Variants in GALNT13 observed in about 807,000 individuals in gnomAD.
The protein encoded by GALNT13 is polypeptide N-acetylgalactosaminyltransferase 13.
A neutral mutation model predicts 64.2 loss-of-function variants in GALNT13; 28 were observed. That is an observed-to-expected ratio of 0.44 (90% CI 0.32 to 0.60). The LOEUF (loss-of-function observed/expected upper bound fraction) is 0.60, where lower values mean the gene tolerates loss of function less well. GALNT13 is among the 20% of genes least tolerant of loss of function. The pLI, the probability that GALNT13 is intolerant of heterozygous loss-of-function variation, is 0.05. For missense variants in GALNT13, 577 were observed against 669.8 expected (o/e 0.86, Z 1.53); for synonymous variants, 214 against 224.6 (o/e 0.95, Z 0.42).
At chr2:153,621,465 C>G in the GALNT13 span, among the ~76,000 whole-genome samples, 1 of 152,150 alleles carries the variant, frequency 6.6e-6, no homozygotes, top group Non-Finnish European at 1.5e-5. Context: ...TGCCAATGTT[C>G]ACTCAAGTAA....
chr2:153,175,084 T>G, the GALNT13 span, among the ~76,000 whole-genome samples: 1 of 152,108 alleles, frequency 6.6e-6, no homozygotes, highest in Non-Finnish European at 1.5e-5. Flanking sequence ...ATAAAAACAT[T>G]CCCCTTCTGA....
the GALNT13 span, among the ~76,000 whole-genome samples, chr2:153,275,650 T>C: frequency 2.6e-5 from 4 of 152,334 alleles, no homozygotes; most frequent in Admixed American, 2.0e-4. Flanking sequence ...ATTCAATATA[T>C]ACTGCTACTC....
chr2:154,016,953 A>T (rs556040308), intron 3 of GALNT13, among the ~76,000 whole-genome samples: 1 of 152,306 alleles, frequency 6.6e-6, no homozygotes, highest in South Asian at 2.1e-4. Flanking sequence ...TGAGAAGTTG[A>T]GAATTTTCTG....
chr2:153,691,271 TA>T, the GALNT13 span, among the ~76,000 whole-genome samples: 6 of 152,094 alleles, frequency 3.9e-5, no homozygotes, highest in Admixed American at 3.3e-4. Context: ...CTGACAAAAA[TA>T]TTTTTTGCTG....
chr2:154,025,543 CATGG>C (rs1697892714), intron 3 of GALNT13, among the ~76,000 whole-genome samples: 1 of 61,218 alleles, frequency 1.6e-5, no homozygotes, highest in Non-Finnish European at 3.5e-5. Context: ...GTTTCGAAGG[CATGG>C]TTTTATTCAG....
chr2:154,344,360 C>T (rs1165845845), intron 9 of GALNT13, among the ~76,000 whole-genome samples: 1 of 152,028 alleles, frequency 6.6e-6, no homozygotes, highest in East Asian at 1.9e-4. Context: ...AAATAACATT[C>T]TGACAGTGTT....
intron 3 of GALNT13, among the ~76,000 whole-genome samples, chr2:154,037,232 G>A (rs569980722): frequency 1.3e-5 from 2 of 152,116 alleles, no homozygotes; most frequent in African/African-American, 2.4e-5. Context: ...ACATGAGTGT[G>A]TGTGGTGGTT....
chr2:153,660,245 G>T, the GALNT13 span, among the ~76,000 whole-genome samples: 6 of 152,060 alleles, frequency 3.9e-5, no homozygotes, highest in African/African-American at 1.4e-4. Context: ...AGTGATGAGG[G>T]GTAACCAGAA....
the GALNT13 span, among the ~76,000 whole-genome samples, chr2:153,329,169 T>A: frequency 6.6e-6 from 1 of 151,982 alleles, no homozygotes; most frequent in South Asian, 2.1e-4. Flanking sequence ...ATGAACCGGG[T>A]ACCTCAGCTG....
chr2:153,714,016 G>A, the GALNT13 span, among the ~76,000 whole-genome samples: 1 of 152,108 alleles, frequency 6.6e-6, no homozygotes, highest in Non-Finnish European at 1.5e-5. Context: ...CTAAGTCTTA[G>A]GGAAAGTTCC....
At chr2:154,085,155 T>C (rs1701463528) in intron 3 of GALNT13, among the ~76,000 whole-genome samples, 1 of 151,962 alleles carries the variant, frequency 6.6e-6, no homozygotes, top group African/African-American at 2.4e-5. Flanking sequence ...CAGGATTAAT[T>C]CTCAAAAGAT....
In GALNT13 at chr2:154,106,894, G is replaced by A. The variant is rs1185839313; in HGVS notation, c.143-33443G>A. ...CTCATGTTGAAATTTGATCCCCAGT[G>A]TTTTAGGTGAGGACTAATGGAAGGT... On this transcript the variant is annotated intron_variant, in intron 3 of 12. Coordinates refer to ENST00000392825, the MANE Select transcript of GALNT13 (RefSeq NM_052917.4). Among the ~76,000 whole-genome samples, 4 of 152,238 alleles carry A rather than the reference G, an allele frequency of 2.6e-5. No individual in the cohort carries two copies. In the East Asian group the frequency reaches 7.7e-4, roughly 29 times the overall value.
intron 9 of GALNT13, among the ~76,000 whole-genome samples, chr2:154,362,692 C>G (rs77929208): frequency 0.12 from 18,565 of 152,122 alleles, 1,168 homozygotes; most frequent in Non-Finnish European, 0.14. Flanking sequence ...GCTAAAAAAA[C>G]TGGTCATTGT....
intron 4 of GALNT13, chr2:154,236,117 C>T: frequency 2.6e-6 from 3 of 1,138,476 alleles, no homozygotes; most frequent in Non-Finnish European, 3.3e-6. Context: ...GTGGAGAAGA[C>T]TTTCTGACTT....
At chr2:153,695,080 T>C in the GALNT13 span, among the ~76,000 whole-genome samples, 1 of 152,112 alleles carries the variant, frequency 6.6e-6, no homozygotes, top group South Asian at 2.1e-4. Context: ...TCCCAGTAAG[T>C]AACAAAGATA....
the GALNT13 span, among the ~76,000 whole-genome samples, chr2:153,134,144 C>T: frequency 1.3e-5 from 2 of 151,680 alleles, no homozygotes; most frequent in Admixed American, 6.6e-5. Context: ...TTCGAAAAGA[C>T]CATAAAGGAC....
chr2:153,227,751 C>T, the GALNT13 span, among the ~76,000 whole-genome samples: 1 of 152,102 alleles, frequency 6.6e-6, no homozygotes, highest in Non-Finnish European at 1.5e-5. Context: ...ATAGTCTTGG[C>T]TTTGTGAGGA....
chr2:154,081,368 G>A (rs1351368389), intron 3 of GALNT13, among the ~76,000 whole-genome samples: 1 of 151,562 alleles, frequency 6.6e-6, no homozygotes, highest in Non-Finnish European at 1.5e-5. Context: ...GGCTATTACT[G>A]TTTAGAGCTT....
At chr2:153,433,089 C>G in the GALNT13 span, among the ~76,000 whole-genome samples, 1 of 151,786 alleles carries the variant, frequency 6.6e-6, no homozygotes, top group African/African-American at 2.4e-5. Flanking sequence ...TCAAGCCTTA[C>G]TGTAAGAGAA....
Sources: gnomAD v4.1 joint callset for allele counts (sites outside exome capture counted in the v4.1 genomes callset) on GRCh38, gnomAD v4.1.1 for gene constraint, MANE v1.5 for transcripts, NCBI Gene and HGNC (gene_info 2026-07-23, HGNC 2026-07-21) for gene names.